MOV10L1: variants seen among roughly 807,000 people sequenced by gnomAD.
The protein encoded by MOV10L1 is RNA helicase Mov10l1.
Under a neutral mutation model 143.8 loss-of-function variants are expected in MOV10L1, and 110 were observed. The ratio of observed to expected loss-of-function variants is 0.76; its 90% confidence interval spans 0.66 to 0.90. MOV10L1 has a LOEUF of 0.90. Among genes scored for constraint, MOV10L1 ranks in the 40% least tolerant of loss-of-function variants. The pLI is 0.00. For synonymous variants in MOV10L1, 593 were observed against 581.1 expected (o/e 1.02, Z -0.29); for missense variants, 1,406 against 1,526.8 (o/e 0.92, Z 1.32).
chr22:50,100,253 A>G (rs1275811254), intron 3 of MOV10L1, among the ~76,000 whole-genome samples: 1 of 152,030 alleles, frequency 6.6e-6, no homozygotes, highest in Non-Finnish European at 1.5e-5. Flanking sequence ...TCGGCCTCCT[A>G]AAGTGCTGGG....
chr22:50,128,392 G>A lies in MOV10L1; in HGVS notation c.1819-24G>A, dbSNP rs1437304054. On this transcript the variant is annotated intron_variant, in intron 12 of 26. Transcript: ENST00000262794. ...ATATCACATTATTTCAAGAAATCAGGTATATTGTTTGTTCCTTTTTTAGAT... is the reference window on the plus strand; with the variant it reads ...ATATCACATTATTTCAAGAAATCAGATATATTGTTTGTTCCTTTTTTAGAT... The A allele has an allele frequency of 6.7e-6, 8 of 1,198,148 alleles. No homozygotes were observed. In the Admixed American group the frequency reaches 1.6e-4, roughly 25 times the overall value. The allele number at this position is 1,198,148 out of a possible 1,614,324, so 74.2% of individuals were successfully genotyped here. A position where few individuals can be genotyped will look rare whatever the true frequency, so the allele number is the denominator to read the frequency against.
chr22:50,132,993 G>A (rs1362290971), intron 13 of MOV10L1, among the ~76,000 whole-genome samples: 1 of 151,840 alleles, frequency 6.6e-6, no homozygotes, highest in Non-Finnish European at 1.5e-5. Context: ...CCGAGATCAC[G>A]CTACTCATTC....
At chr22:50,110,706 G>A (rs191287156) in intron 5 of MOV10L1, among the ~76,000 whole-genome samples, 12 of 152,122 alleles carry the variant, frequency 7.9e-5, no homozygotes, top group African/African-American at 1.4e-4. Flanking sequence ...CAAGGCGGGC[G>A]GATTGCCTGA....
rs771645651 is a variant in MOV10L1 at position 50,113,651 on chromosome 22, C to T, written c.747C>T (p.Asp249=). The T allele has an allele frequency of 4.3e-6, 7 of 1,612,484 alleles. No individual in the cohort carries two copies. Among genetic ancestry groups the T allele is most frequent in the South Asian group, 1.1e-5 (1 of 90,782 alleles). ...ALCMTLVKRR[D]AAPVHEATHF... ...CTTTCTGGGGCTCTTTTTTCAGAGA[C>T]GCCGCCCCTGTTCATGAGGCCACTC... Residue 249 remains aspartate, a synonymous_variant, in exon 6 of 27, where the codon GAC becomes GAT. Transcript: ENST00000262794.
intron 9 of MOV10L1, among the ~76,000 whole-genome samples, chr22:50,120,159 A>G (rs922848984): frequency 2.0e-5 from 3 of 152,160 alleles, no homozygotes; most frequent in African/African-American, 7.2e-5. Context: ...TGTCAAATAT[A>G]GTAGGAAGAG....
chr22:50,153,933 G>T (rs1184720597), intron 22 of MOV10L1, among the ~76,000 whole-genome samples: 2 of 152,232 alleles, frequency 1.3e-5, no homozygotes, highest in Non-Finnish European at 2.9e-5. Context: ...CATGCCACGG[G>T]CCCCGGAGGA....
chr22:50,113,244 T>C (rs2062071543), intron 5 of MOV10L1, among the ~76,000 whole-genome samples: 1 of 152,200 alleles, frequency 6.6e-6, no homozygotes, highest in African/African-American at 2.4e-5. Context: ...AACAAAACTC[T>C]TTCCAAAGCA....
chr22:50,103,025 C>T (rs2147071435), intron 3 of MOV10L1, among the ~76,000 whole-genome samples: 1 of 152,322 alleles, frequency 6.6e-6, no homozygotes, highest in South Asian at 2.1e-4. Context: ...TAGGGCAGAG[C>T]TGAGCGGGTC....
At chr22:50,121,156 T>C (rs1015773601) in intron 10 of MOV10L1, among the ~76,000 whole-genome samples, 3 of 152,126 alleles carry the variant, frequency 2.0e-5, no homozygotes, top group Admixed American at 6.5e-5. Flanking sequence ...AGGGTTTTTT[T>C]CTGTAGGGGT....
chr22:50,144,037 CT>C, intron 17 of MOV10L1, 59 bp from the exon 18 acceptor site: 1 of 1,572,746 alleles, frequency 6.4e-7, no homozygotes, highest in Admixed American at 1.7e-5. Context: ...GGTTAGACTC[CT>C]GGTTTCCACC....
At chr22:50,100,683 C>A (rs1045176233) in intron 3 of MOV10L1, among the ~76,000 whole-genome samples, 5 of 151,870 alleles carry the variant, frequency 3.3e-5, no homozygotes, top group African/African-American at 1.2e-4. Flanking sequence ...CTTTTTGTGT[C>A]TTTAGTAGAG....
Position 50,134,068 on chromosome 22 carries a change from AT to A in MOV10L1, c.1969+5del. 6.2e-7 allele frequency: 1 copy of A among 1,604,962 alleles called. No individual in the cohort carries two copies. Among genetic ancestry groups the A allele is most frequent in the Non-Finnish European group, 8.5e-7 (1 of 1,176,020 alleles). ...CGTCATCCACTTAGGTGTAAAAGGT[AT>A]TACTTTTATAGAATGATAGTGTTAC... On this transcript the variant is annotated splice_donor_region_variant and intron_variant, in intron 14 of 26. Transcript: ENST00000262794.
intron 2 of MOV10L1, among the ~76,000 whole-genome samples, chr22:50,092,543 C>T (rs554720851): frequency 3.3e-5 from 5 of 152,084 alleles, no homozygotes; most frequent in South Asian, 2.1e-4. Context: ...GAGGCTGAGG[C>T]GGGAGGATCG....
rs747228956 is a variant in MOV10L1 at position 50,144,145 on chromosome 22, A to G, written c.2407A>G (p.Asn803Asp). 2 of 1,613,536 alleles carry G rather than the reference A, an allele frequency of 1.2e-6. No individual in the cohort carries two copies. The highest frequency in any genetic ancestry group is 1.7e-6 in the Non-Finnish European group (2 of 1,179,490). The part of the protein sequence containing the change: ...DSRILVCAPS[N>D]SAADLVCLRL... ...TCGGATTTTAGTCTGTGCGCCCTCC[A>G]ACAGTGCTGCTGACCTCGTGTGTCT... is the stretch of plus-strand genomic sequence containing the variant. The change falls in exon 18 of 27, where the codon AAC (asparagine) becomes GAC (aspartate). Residue 803 changes from asparagine to aspartate, a missense_variant. Asn to Asp is a conservative substitution (Grantham distance 23). Coordinates refer to ENST00000262794, the MANE Select transcript of MOV10L1 (RefSeq NM_018995.3).
chr22:50,143,526 A>G (rs2063049753), intron 17 of MOV10L1, among the ~76,000 whole-genome samples: 3 of 152,204 alleles, frequency 2.0e-5, no homozygotes, highest in African/African-American at 7.2e-5. Flanking sequence ...GAAGTTTTAG[A>G]TATCTTCATT....
At chr22:50,099,336 G>C in intron 2 of MOV10L1, 107 bp from the exon 3 acceptor site, 1 of 1,348,266 alleles carries the variant, frequency 7.4e-7, no homozygotes, top group Non-Finnish European at 1.0e-6. Flanking sequence ...CCAGGGCCTT[G>C]ATCTTGGACT....
In MOV10L1 at chr22:50,128,294, A is replaced by G. The variant is rs2062569963; in HGVS notation, c.1819-122A>G. ...TGGCGTAATGATTTAATCCTTTTCA[A>G]CTAATTTTGCAGATATCAAATTTTA... On this transcript the variant is annotated intron_variant, in intron 12 of 26. Transcript: ENST00000262794. The G allele has an allele frequency of 4.8e-6, 3 of 628,598 alleles. No individual in the cohort carries two copies. In the South Asian group the frequency reaches 5.8e-5, roughly 12 times the overall value. 38.9% of individuals were successfully genotyped at this position (628,598 alleles called of 1,614,324 possible).
rs140640371 is a variant in MOV10L1 at position 50,125,532 on chromosome 22, C to T, written c.1710C>T (p.Val570=). 37 of 1,614,118 alleles carry T rather than the reference C, an allele frequency of 2.3e-5. No homozygotes were observed. In the East Asian group the frequency reaches 8.0e-4, roughly 35 times the overall value. The part of the protein sequence containing the change: ...RRNGDLLVLE[V]PGLAEGRPSL... ...ATGGGGATCTGCTGGTTCTGGAGGT[C>T]CCAGGGTTGGCCGAAGGGAGGCCTT... Residue 570 remains valine, a synonymous_variant, in exon 11 of 27, where the codon GTC becomes GTT. Coordinates refer to ENST00000262794, the MANE Select transcript of MOV10L1 (RefSeq NM_018995.3).
At chr22:50,101,696 G>C (rs1264915964) in intron 3 of MOV10L1, among the ~76,000 whole-genome samples, 7 of 152,004 alleles carry the variant, frequency 4.6e-5, no homozygotes, top group Non-Finnish European at 8.8e-5. Flanking sequence ...ATTTTTAGTA[G>C]ACACGGGGTT....
Sources: gnomAD v4.1 joint callset for allele counts (sites outside exome capture counted in the v4.1 genomes callset) on GRCh38, gnomAD v4.1.1 for gene constraint, MANE v1.5 for transcripts, NCBI Gene and HGNC (gene_info 2026-07-23, HGNC 2026-07-21) for gene names.